STXBP5L: variants seen among roughly 807,000 people sequenced by gnomAD.
STXBP5L encodes the protein syntaxin-binding protein 5-like.
In STXBP5L, 65 loss-of-function variants were observed where a neutral mutation model predicts 144.5. That is an observed-to-expected ratio of 0.45 (90% confidence interval 0.37 to 0.55). STXBP5L has a LOEUF of 0.55. Among genes scored for constraint, STXBP5L ranks in the 20% least tolerant of loss-of-function variants. The pLI is 0.00. For missense variants in STXBP5L, 1,298 were observed against 1,405.5 expected (o/e 0.92, Z 1.22); for synonymous variants, 505 against 469.6 (o/e 1.08, Z -0.97).
At chr3:121,278,114 G>A (rs1038868471) in intron 18 of STXBP5L, among the ~76,000 whole-genome samples, 34 of 151,900 alleles carry the variant, frequency 2.2e-4, no homozygotes, top group Non-Finnish European at 3.1e-4. Flanking sequence ...AACTAAATGA[G>A]ACCATCAATC....
intron 7 of STXBP5L, among the ~76,000 whole-genome samples, chr3:121,150,328 G>A (rs2045887843): frequency 1.3e-5 from 2 of 151,930 alleles, no homozygotes; most frequent in South Asian, 4.1e-4. Context: ...TGTGGTTTGG[G>A]CATTGTTCCT....
intron 3 of STXBP5L, among the ~76,000 whole-genome samples, chr3:121,037,711 C>G (rs763051030): frequency 6.6e-6 from 1 of 151,906 alleles, no homozygotes; most frequent in Non-Finnish European, 1.5e-5. Flanking sequence ...CTCAATTTTT[C>G]TGCAGGAATT....
intron 3 of STXBP5L, among the ~76,000 whole-genome samples, chr3:121,012,232 C>T (rs1202487366): frequency 1.3e-5 from 2 of 151,622 alleles, no homozygotes; most frequent in Non-Finnish European, 3.0e-5. Flanking sequence ...ACTTGGATTG[C>T]CTTTCTACTT....
chr3:121,336,613 T>C (rs1235177626), intron 20 of STXBP5L, among the ~76,000 whole-genome samples: 2 of 151,578 alleles, frequency 1.3e-5, no homozygotes, highest in Admixed American at 6.6e-5. Flanking sequence ...AAATAACAGA[T>C]GCTGCAAGGT....
chr3:121,211,734 AT>A (rs1416467564), intron 10 of STXBP5L, among the ~76,000 whole-genome samples: 2 of 151,900 alleles, frequency 1.3e-5, no homozygotes, highest in African/African-American at 4.8e-5. Context: ...ATGTGCCACC[AT>A]TCCCAGCTAA....
chr3:121,348,248 CT>C (rs1475560941), intron 20 of STXBP5L, among the ~76,000 whole-genome samples: 1 of 151,980 alleles, frequency 6.6e-6, no homozygotes, highest in Non-Finnish European at 1.5e-5. Flanking sequence ...TGTTTATATG[CT>C]GGGTTATGTT....
intron 20 of STXBP5L, among the ~76,000 whole-genome samples, chr3:121,349,129 A>T (rs1265939801): frequency 1.3e-5 from 2 of 152,044 alleles, no homozygotes; most frequent in Admixed American, 6.6e-5. Flanking sequence ...ACTGCTTTAA[A>T]TGTGTCCCGG....
At chr3:121,121,044 A>T (rs1337948492) in intron 6 of STXBP5L, among the ~76,000 whole-genome samples, 2 of 151,238 alleles carry the variant, frequency 1.3e-5, no homozygotes, top group African/African-American at 2.4e-5. Context: ...ATTCTGTTAG[A>T]CTCATAATTA....
At chr3:121,346,662 T>A (rs2045000737) in intron 20 of STXBP5L, among the ~76,000 whole-genome samples, 1 of 152,200 alleles carries the variant, frequency 6.6e-6, no homozygotes, top group Non-Finnish European at 1.5e-5. Context: ...TGTGAGATGG[T>A]ATCTCATTGT....
intron 2 of STXBP5L, among the ~76,000 whole-genome samples, chr3:120,947,281 A>G (rs1710922645): frequency 6.6e-6 from 1 of 151,808 alleles, no homozygotes; most frequent in African/African-American, 2.4e-5. Flanking sequence ...GTTGTCTTCA[A>G]ACTCTGTTCT....
At chr3:121,202,990 A>G (rs1390033968) in intron 9 of STXBP5L, among the ~76,000 whole-genome samples, 2 of 150,366 alleles carry the variant, frequency 1.3e-5, no homozygotes, top group African/African-American at 2.4e-5. Flanking sequence ...CTTTTCTTCT[A>G]TTTCAATTAT....
intron 5 of STXBP5L, among the ~76,000 whole-genome samples, chr3:121,110,128 TATAGCACACC>T (rs2043909157): frequency 1.3e-5 from 2 of 152,182 alleles, no homozygotes; most frequent in South Asian, 4.1e-4. Context: ...GTCGCTTGAA[TATAGCACACC>T]AATGGGTCTT....
chr3:121,008,577 C>G (rs1451648265), intron 3 of STXBP5L, among the ~76,000 whole-genome samples: 2 of 151,970 alleles, frequency 1.3e-5, no homozygotes, highest in African/African-American at 4.8e-5. Context: ...TAATCCTCAT[C>G]TTGAATAATA....
At chr3:120,977,769 G>C (rs970358282) in intron 3 of STXBP5L, among the ~76,000 whole-genome samples, 3 of 152,134 alleles carry the variant, frequency 2.0e-5, no homozygotes, top group Admixed American at 2.0e-4. Flanking sequence ...GCATTTGCTT[G>C]TCTGTGAAGT....
At chr3:121,210,285 G>GT (rs1002155793) in intron 10 of STXBP5L, among the ~76,000 whole-genome samples, 4 of 150,452 alleles carry the variant, frequency 2.7e-5, no homozygotes, top group African/African-American at 7.3e-5. Context: ...GGAGTTGTTT[G>GT]TTTTTTTCTT....
At chr3:120,985,259 G>T (rs941303807) in intron 3 of STXBP5L, among the ~76,000 whole-genome samples, 2 of 151,990 alleles carry the variant, frequency 1.3e-5, no homozygotes, top group African/African-American at 4.8e-5. Flanking sequence ...TTAAATGTTT[G>T]TTATAATTCC....
At chr3:121,222,918 A>C in intron 10 of STXBP5L, 85 bp from the exon 11 acceptor site, 42 of 1,454,692 alleles carry the variant, frequency 2.9e-5, no homozygotes, top group Middle Eastern at 2.4e-4. Context: ...GTATGCAACA[A>C]AACCTGTTCT....
chr3:121,006,643 T>C (rs1353772346), intron 3 of STXBP5L, among the ~76,000 whole-genome samples: 14 of 152,144 alleles, frequency 9.2e-5, no homozygotes, highest in African/African-American at 3.1e-4. Context: ...TTCTTCCTAG[T>C]ATCAATGGTC....
chr3:121,049,992 TCTCA>T (rs775783064), intron 5 of STXBP5L, among the ~76,000 whole-genome samples: 1 of 152,148 alleles, frequency 6.6e-6, no homozygotes, highest in Non-Finnish European at 1.5e-5. Context: ...CCCTGGGGAC[TCTCA>T]CTCACTCACT....
Sources: allele counts gnomAD v4.1 joint callset (sites outside exome capture counted in the v4.1 genomes callset), GRCh38; gene constraint gnomAD v4.1.1; transcripts MANE v1.5; gene names NCBI Gene and HGNC (gene_info 2026-07-23, HGNC 2026-07-21).